Variants in TEKT3 observed in about 807,000 individuals in gnomAD.
The protein encoded by TEKT3 is tektin-3.
In TEKT3, 49 loss-of-function variants were observed where a neutral mutation model predicts 49.8. The observed-to-expected ratio is 0.98, with a 90% CI of 0.78 to 1.25. The LOEUF (loss-of-function observed/expected upper bound fraction) is 1.25, where lower values mean the gene tolerates loss of function less well. TEKT3 is among the 50% of genes most tolerant of loss of function. TEKT3 has a pLI of 0.00. For missense variants in TEKT3, 595 were observed against 629.5 expected (o/e 0.95, Z 0.59); for synonymous variants, 225 against 237.2 (o/e 0.95, Z 0.47).
intron 4 of TEKT3, among the ~76,000 whole-genome samples, chr17:15,323,448 AGTC>A (rs201609799): frequency 0.16 from 24,214 of 152,040 alleles, 2,046 homozygotes; most frequent in African/African-American, 0.22. Flanking sequence ...AAGTCCAAGG[AGTC>A]AGTACGGTCT....
At chr17:15,323,860 C>T (rs1308411551) in intron 4 of TEKT3, among the ~76,000 whole-genome samples, 1 of 150,142 alleles carries the variant, frequency 6.7e-6, no homozygotes, top group Non-Finnish European at 1.5e-5. Context: ...AGATAAAGGA[C>T]CCCCCTGCTA....
upstream of TEKT3, among the ~76,000 whole-genome samples, chr17:15,343,314 T>C (rs1365038594): frequency 1.3e-5 from 2 of 152,238 alleles, no homozygotes; most frequent in African/African-American, 4.8e-5. Flanking sequence ...TGATCAACTC[T>C]GTTCTCCATA....
rs1397442745 is a variant in TEKT3 at position 15,319,231 on chromosome 17, A to T, written c.664-84T>A. On this transcript the variant is annotated intron_variant, in intron 4 of 8. Coordinates refer to ENST00000395930, the MANE Select transcript of TEKT3 (RefSeq NM_031898.3). ...TCAACAATGTAACAAACATCAATGAAGGAAAATTTTGTTTCTTAAAATACT... is the reference window on the plus strand; with the variant it reads ...TCAACAATGTAACAAACATCAATGATGGAAAATTTTGTTTCTTAAAATACT... The T allele has an allele frequency of 5.7e-6, 7 of 1,218,660 alleles. No homozygotes were observed. In the Middle Eastern group the frequency reaches 8.4e-4, roughly 145 times the overall value. The allele number at this position is 1,218,660 out of a possible 1,614,324, so 75.5% of individuals were successfully genotyped here. A position where few individuals can be genotyped will look rare whatever the true frequency, so the allele number is the denominator to read the frequency against.
chr17:15,306,722 C>A (rs1351740171), intron 8 of TEKT3: 1 of 151,998 alleles, frequency 6.6e-6, no homozygotes, highest in East Asian at 1.9e-4. Context: ...TTGTTCCCAT[C>A]TCCACTTTTG....
At chr17:15,337,429 G>A (rs370634676) in intron 2 of TEKT3, among the ~76,000 whole-genome samples, 1 of 152,252 alleles carries the variant, frequency 6.6e-6, no homozygotes, top group South Asian at 2.1e-4. Context: ...CAACTATGCT[G>A]ATAATTAAAC....
At chr17:15,320,518 A>C (rs1911205838) in intron 4 of TEKT3, among the ~76,000 whole-genome samples, 1 of 152,186 alleles carries the variant, frequency 6.6e-6, no homozygotes, top group South Asian at 2.1e-4. Flanking sequence ...TTACTTAGAC[A>C]ATAAAGGCCT....
intron 2 of TEKT3, among the ~76,000 whole-genome samples, chr17:15,335,395 G>A (rs1911937985): frequency 6.6e-6 from 1 of 152,170 alleles, no homozygotes; most frequent in Non-Finnish European, 1.5e-5. Flanking sequence ...ACAGAGGGTG[G>A]AGATACATTA....
rs188167818 is a variant in TEKT3, at chr17:15,338,113, A to G, written c.-30+1915T>C. Reference sequence around the variant, plus strand: ...TGAGAAATAGACAAATCCACATTATATTTCAATATTTCAACGTTTGTCTGT... The same window carrying G: ...TGAGAAATAGACAAATCCACATTATGTTTCAATATTTCAACGTTTGTCTGT... On this transcript the variant is annotated intron_variant, in intron 2 of 8. Coordinates refer to ENST00000395930, the MANE Select transcript of TEKT3 (RefSeq NM_031898.3). 5.3e-5 allele frequency among the ~76,000 whole-genome samples: 8 copies of G among 152,336 alleles called. No individual in the cohort carries two copies. In the East Asian group the frequency reaches 1.5e-3, roughly 29 times the overall value.
At chr17:15,312,858 A>T (rs1910830509) in intron 6 of TEKT3, among the ~76,000 whole-genome samples, 1 of 152,224 alleles carries the variant, frequency 6.6e-6, no homozygotes, top group African/African-American at 2.4e-5. Flanking sequence ...TACTAAGGAA[A>T]TATTAGCAGG....
rs750721630 is a variant in TEKT3, at chr17:15,306,087, A to ATGTGTGTGTG, written c.1257-1936_1257-1935insCACACACACA. 3.9e-5 allele frequency among the ~76,000 whole-genome samples: 5 copies of ATGTGTGTGTG among 128,486 alleles called. 1 individual carries two copies. Among genetic ancestry groups the ATGTGTGTGTG allele is most frequent in the Non-Finnish European group, 8.1e-5 (5 of 61,398 alleles). The allele number at this position is 128,486 out of a possible 152,430, so 84.3% of individuals were successfully genotyped here. ...TAAAGCTACCACAGTTTATTTATAT[A>ATGTGTGTGTG]TATGTGTGTGTGTGTGTGTGTGTGT... is the stretch of plus-strand genomic sequence containing the variant. On this transcript the variant is annotated intron_variant, in intron 8 of 8. Coordinates refer to ENST00000395930, the MANE Select transcript of TEKT3 (RefSeq NM_031898.3).
At chr17:15,307,607 T>C (rs1910605170) in intron 8 of TEKT3, among the ~76,000 whole-genome samples, 1 of 152,232 alleles carries the variant, frequency 6.6e-6, no homozygotes, top group Non-Finnish European at 1.5e-5. Flanking sequence ...CTTCCTTCCA[T>C]TTCAGGAAAT....
At chr17:15,334,116 C>A (rs757691027) in intron 2 of TEKT3, among the ~76,000 whole-genome samples, 2 of 152,046 alleles carry the variant, frequency 1.3e-5, no homozygotes, top group East Asian at 3.9e-4. Flanking sequence ...GGCTGGAATG[C>A]AGTGGCATGA....
At position 15,331,147 on chromosome 17, in the gene TEKT3, C is replaced by T; in HGVS notation, c.439G>A (p.Gly147Arg). 1 of 1,614,160 alleles carries T rather than the reference C, an allele frequency of 6.2e-7. No individual in the cohort carries two copies. Among genetic ancestry groups the T allele is most frequent in the Middle Eastern group, 1.6e-4 (1 of 6,062 alleles). ...KTQADTTQNL[G>R]ERVNDIGFWK... ...AACCCTATGTCATTGACACGTTCTC[C>T]CAGATTTTGGGTTGTGTCTGCCTGA... is the stretch of plus-strand genomic sequence containing the variant. Residue 147 changes from glycine to arginine, a missense_variant, in exon 3 of 9, where the codon GGA becomes AGA. Transcript: ENST00000395930.
intron 2 of TEKT3, among the ~76,000 whole-genome samples, chr17:15,333,754 T>G (rs1009320004): frequency 1.4e-4 from 21 of 150,684 alleles, no homozygotes; most frequent in African/African-American, 4.2e-4. Flanking sequence ...TTATTTTATT[T>G]TATTTTATTT....
chr17:15,309,809 A>G (rs1208515994), intron 7 of TEKT3, among the ~76,000 whole-genome samples: 1 of 152,102 alleles, frequency 6.6e-6, no homozygotes, highest in Non-Finnish European at 1.5e-5. Flanking sequence ...TTCAGTTTCA[A>G]AGCTGACATC....
intron 4 of TEKT3, among the ~76,000 whole-genome samples, chr17:15,327,399 C>T (rs972434026): frequency 6.6e-6 from 1 of 151,904 alleles, no homozygotes; most frequent in African/African-American, 2.4e-5. Context: ...GCCTGTAATC[C>T]CAGCTACTTG....
chr17:15,342,090 T>C (rs16951398), upstream of TEKT3, among the ~76,000 whole-genome samples: 10,641 of 152,076 alleles, frequency 0.07, 761 homozygotes, highest in African/African-American at 0.18. Context: ...TCTAAGAAAA[T>C]GGTTTGGGCT....
At chr17:15,338,534 C>G (rs932705610) in intron 2 of TEKT3, 1 of 148,894 alleles carries the variant, frequency 6.7e-6, no homozygotes, top group Non-Finnish European at 1.5e-5. Flanking sequence ...GATGGAGTCT[C>G]GCTCTGTCCC....
intron 3 of TEKT3, among the ~76,000 whole-genome samples, chr17:15,329,057 C>T (rs1361897436): frequency 6.6e-6 from 1 of 152,108 alleles, no homozygotes; most frequent in African/African-American, 2.4e-5. Context: ...CAAACTGCTT[C>T]CCAGGAAATT....
Sources: allele counts gnomAD v4.1 joint callset (sites outside exome capture counted in the v4.1 genomes callset), GRCh38; gene constraint gnomAD v4.1.1; transcripts MANE v1.5; gene names NCBI Gene and HGNC (gene_info 2026-07-23, HGNC 2026-07-21).